The following TSPEAR variants were observed in gnomAD, a reference collection of about 807,000 sequenced individuals.
TSPEAR encodes thrombospondin type laminin G domain and EAR repeats.
A neutral mutation model predicts 71.6 loss-of-function variants in TSPEAR; 69 were observed. The ratio of observed to expected loss-of-function variants is 0.96; its 90% CI spans 0.79 to 1.18. The LOEUF (loss-of-function observed/expected upper bound fraction) is 1.18, where lower values mean the gene tolerates loss of function less well. Ranked by LOEUF, TSPEAR falls within the 50% of genes most tolerant of loss-of-function variation. The pLI is 0.00. For synonymous variants in TSPEAR, 402 were observed against 387.2 expected, an observed-to-expected ratio of 1.04 and a Z score of -0.45; for missense variants, 971 against 894.9, an observed-to-expected ratio of 1.09 and a Z score of -1.09.
At chr21:44,652,955 A>G (rs1346203983) in intron 1 of TSPEAR, among the ~76,000 whole-genome samples, 6 of 151,976 alleles carry the variant, frequency 3.9e-5, no homozygotes, top group African/African-American at 1.4e-4. Flanking sequence ...AGGAGATCAA[A>G]ACCATCCTGG....
chr21:44,560,088 C>T (rs1381248322), intron 2 of TSPEAR, among the ~76,000 whole-genome samples: 14 of 152,166 alleles, frequency 9.2e-5, no homozygotes, highest in African/African-American at 3.4e-4. Flanking sequence ...TTCAGGAGAC[C>T]CATCTCACTT....
rs1311403120 is a variant in TSPEAR, at chr21:44,546,833, C to T, written c.304-12910G>A. 1.3e-5 allele frequency among the ~76,000 whole-genome samples: 2 copies of T among 152,186 alleles called. No individual in the cohort carries two copies. Among genetic ancestry groups the T allele is most frequent in the African/African-American group, 4.8e-5 (2 of 41,438 alleles). On this transcript the variant is annotated intron_variant, in intron 2 of 11. Coordinates refer to ENST00000323084, the MANE Select transcript of TSPEAR (RefSeq NM_144991.3). The surrounding 1 kb of genome is among the most constrained non-coding windows in gnomAD (Gnocchi z 4.4). ...TTTGACTTTTGAGAATTTGATTACA[C>T]TGTGTTTTTGTGTGATTCTCTTTGA...
At chr21:44,515,163 A>T (rs940551725) in intron 9 of TSPEAR, among the ~76,000 whole-genome samples, 1 of 151,986 alleles carries the variant, frequency 6.6e-6, no homozygotes, top group Non-Finnish European at 1.5e-5. Flanking sequence ...ACAGTAAACA[A>T]ATTAAGACAT....
Position 44,612,792 on chromosome 21 carries a change from C to T in TSPEAR, c.83-44787G>A, listed in dbSNP as rs781902456. On this transcript the variant is annotated intron_variant, in intron 1 of 11. Coordinates refer to ENST00000323084, the MANE Select transcript of TSPEAR (RefSeq NM_144991.3). The surrounding 1 kb of genome is among the most constrained non-coding windows in gnomAD (Gnocchi z 4.1). Reference sequence around the variant, plus strand: ...GTGCCTGTCCCCTCCTGTTGTGTCCCTGCCTCCTCCTGCCAGCCCAGCTGC... The same window carrying T: ...GTGCCTGTCCCCTCCTGTTGTGTCCTTGCCTCCTCCTGCCAGCCCAGCTGC... The T allele has an allele frequency of 6.2e-7, 1 of 1,613,462 alleles. No individual in the cohort carries two copies. The highest frequency in any genetic ancestry group is 1.1e-5 in the South Asian group (1 of 91,036).
At chr21:44,590,855 G>A (rs895744698) in intron 1 of TSPEAR, among the ~76,000 whole-genome samples, 3 of 151,988 alleles carry the variant, frequency 2.0e-5, no homozygotes, top group Admixed American at 1.3e-4. Context: ...GGGGGGCCAT[G>A]TGCTGGGGTT....
intron 9 of TSPEAR, among the ~76,000 whole-genome samples, chr21:44,511,958 C>T (rs930787036): frequency 7.2e-5 from 11 of 152,222 alleles, no homozygotes; most frequent in East Asian, 3.9e-4. Flanking sequence ...AGCCCTGGAA[C>T]GGGCTGCTGC....
At chr21:44,666,770 G>T in intron 1 of TSPEAR, 3 of 1,612,318 alleles carry the variant, frequency 1.9e-6, no homozygotes, top group South Asian at 2.2e-5. Flanking sequence ...AGGACTGGCA[G>T]CCCACAGGCA....
intron 2 of TSPEAR, chr21:44,557,914 G>A: frequency 1.9e-6 from 2 of 1,047,952 alleles, no homozygotes; most frequent in Non-Finnish European, 2.7e-6. Flanking sequence ...GAGGGAATCG[G>A]CATGAAAGCT....
At chr21:44,601,820 C>G in intron 1 of TSPEAR, 1 of 1,528,354 alleles carries the variant, frequency 6.5e-7, no homozygotes, top group East Asian at 2.3e-5. Flanking sequence ...TCTCCACATC[C>G]CGCTCCTAAG....
At chr21:44,589,925 CCAGGGCAGGAAGAAAA>C (rs1979648070) in intron 1 of TSPEAR, among the ~76,000 whole-genome samples, 1 of 152,356 alleles carries the variant, frequency 6.6e-6, no homozygotes, top group African/African-American at 2.4e-5. Flanking sequence ...ACCCGGAGAA[CCAGGGCAGGAAGAAAA>C]CATCTCTGCC....
At chr21:44,512,503 C>T (rs2052420252) in intron 9 of TSPEAR, among the ~76,000 whole-genome samples, 1 of 152,050 alleles carries the variant, frequency 6.6e-6, no homozygotes. Flanking sequence ...GCATGGGTGG[C>T]ACACGGGCTG....
In TSPEAR at chr21:44,617,911, A is replaced by C. The variant is rs1411599194; in HGVS notation, c.83-49906T>G. On this transcript the variant is annotated intron_variant, in intron 1 of 11. Transcript: ENST00000323084. ...TAAATTCCTAAAAGTGGCACTTCTAAGCTGGAGTGTTAGCAGATTTCAAAT... is the reference window on the plus strand; with the variant it reads ...TAAATTCCTAAAAGTGGCACTTCTACGCTGGAGTGTTAGCAGATTTCAAAT... Among the ~76,000 whole-genome samples, 3 of 152,348 alleles carry C rather than the reference A, an allele frequency of 2.0e-5. No homozygotes were observed. The East Asian group carries it at 5.8e-4, about 29-fold the overall frequency.
At chr21:44,500,182 C>G (rs782777926) in intron 11 of TSPEAR, among the ~76,000 whole-genome samples, 35 of 152,246 alleles carry the variant, frequency 2.3e-4, no homozygotes, top group Non-Finnish European at 4.0e-4. Flanking sequence ...CCAGCGCTAC[C>G]TCCTATCCAC....
chr21:44,543,318 C>A (rs1471654817), intron 2 of TSPEAR, among the ~76,000 whole-genome samples: 2 of 152,042 alleles, frequency 1.3e-5, no homozygotes, highest in Admixed American at 1.3e-4. Flanking sequence ...TCAGGAGGGG[C>A]TACATAGAGT....
intron 1 of TSPEAR, among the ~76,000 whole-genome samples, chr21:44,595,644 G>A (rs587732496): frequency 4.6e-4 from 70 of 152,308 alleles, no homozygotes; most frequent in Non-Finnish European, 1.0e-4. Flanking sequence ...TCAGAGCATC[G>A]TGGAGGAACG....
intron 1 of TSPEAR, among the ~76,000 whole-genome samples, chr21:44,625,888 CCA>C (rs1299604765): frequency 1.3e-5 from 2 of 152,208 alleles, no homozygotes; most frequent in Non-Finnish European, 2.9e-5. Flanking sequence ...CCCTGGGACA[CCA>C]CACTTTGCGT....
At chr21:44,538,135 C>T (rs367837294) in intron 2 of TSPEAR, among the ~76,000 whole-genome samples, 68 of 152,256 alleles carry the variant, frequency 4.5e-4, no homozygotes, top group Middle Eastern at 3.4e-3. Flanking sequence ...ATCCCAGGGG[C>T]GGGCATTCTC....
In TSPEAR at chr21:44,527,534, T is replaced by C. The variant is rs782377531; in HGVS notation, c.923-16A>G. 5 of 1,611,810 alleles carry C rather than the reference T, an allele frequency of 3.1e-6. No individual in the cohort carries two copies. Among genetic ancestry groups the C allele is most frequent in the African/African-American group, 2.7e-5 (2 of 74,868 alleles). The stretch of plus-strand genomic sequence containing the variant: ...CTTTCTTTGGCTTGTGATAGAAACG[T>C]TGTGACTCGGTTAAGATTTCCGAGA... On this transcript the variant is annotated splice_polypyrimidine_tract_variant and intron_variant, in intron 6 of 11. Transcript: ENST00000323084.
chr21:44,592,296 C>T lies in TSPEAR; in HGVS notation c.83-24291G>A, dbSNP rs368035486. 1.8e-4 allele frequency: 274 copies of T among 1,544,282 alleles called. 4 individuals carry two copies. The African/African-American group carries it at 3.0e-3, about 17-fold the overall frequency. ...AGGTCACTGGGCAGCAGGGGCTGGA[C>T]ACACGGCTCACTGGGGTGCAGACCA... On this transcript the variant is annotated intron_variant, in intron 1 of 11. Coordinates refer to ENST00000323084, the MANE Select transcript of TSPEAR (RefSeq NM_144991.3).
Sources: allele counts gnomAD v4.1 joint callset (sites outside exome capture counted in the v4.1 genomes callset), GRCh38; gene constraint gnomAD v4.1.1; non-coding constraint Gnocchi (gnomAD v3.1); transcripts MANE v1.5; gene names NCBI Gene and HGNC (gene_info 2026-07-23, HGNC 2026-07-21).